Variants in ATRNL1 observed in about 807,000 individuals in gnomAD.
The protein encoded by ATRNL1 is attractin like 1, also known as attractin-like protein 1.
A neutral mutation model predicts 182.7 loss-of-function variants in ATRNL1; 95 were observed. That is an observed-to-expected ratio of 0.52 (90% CI 0.44 to 0.62). ATRNL1 has a LOEUF of 0.62. Among genes scored for constraint, ATRNL1 ranks in the 20% least tolerant of loss-of-function variants. The pLI is 0.00. For synonymous variants in ATRNL1, 576 were observed against 568.3 expected (o/e 1.01, Z -0.19); for missense variants, 1,471 against 1,679.5 (o/e 0.88, Z 2.17).
chr10:115,335,517 T>C (rs782206441), intron 19 of ATRNL1, among the ~76,000 whole-genome samples: 23 of 152,358 alleles, frequency 1.5e-4, no homozygotes, highest in Non-Finnish European at 3.4e-4. Context: ...GTGACTAATA[T>C]GCACTCAGAG....
Position 115,467,176 on chromosome 10 carries a change from G to A in ATRNL1, c.3420G>A (p.Ser1140=), listed in dbSNP as rs776297873. Residue 1140 remains serine (S), a splice_region_variant and synonymous_variant, in exon 23 of 29, where the codon TCG becomes TCA. Transcript: ENST00000355044. ...AINFIANPEQ[S]NKNLDISINA... is the part of the protein sequence containing the mutation. ...CTTAATATTTTCTTTTCTGGTAGTC[G>A]AACAAAAATCTGGATATATCAATTA... 22 of 1,597,406 alleles carry A rather than the reference G, an allele frequency of 1.4e-5. No homozygotes were observed. Among genetic ancestry groups the A allele is most frequent in the Non-Finnish European group, 1.4e-5 (16 of 1,169,684 alleles).
Position 115,246,583 on chromosome 10 carries a change from T to A in ATRNL1, c.1687+4858T>A, listed in dbSNP as rs1374545318. The stretch of plus-strand genomic sequence containing the variant: ...TTTTTTTTTTTTTTGAGACGGAGTC[T>A]CGCTCTGTCGCCCAGGTCGGACTGC... On this transcript the variant is annotated intron_variant, in intron 10 of 28. Transcript: ENST00000355044. Among the ~76,000 whole-genome samples the A allele has an allele frequency of 4.1e-5, 5 of 122,818 alleles. 1 individual carries two copies. Among genetic ancestry groups the A allele is most frequent in the Non-Finnish European group, 8.8e-5 (5 of 56,904 alleles). The allele number at this position is 122,818 out of a possible 152,430, so 80.6% of individuals were successfully genotyped here.
intron 26 of ATRNL1, among the ~76,000 whole-genome samples, chr10:115,706,679 G>A (rs1485357142): frequency 6.6e-6 from 1 of 151,802 alleles, no homozygotes; most frequent in Non-Finnish European, 1.5e-5. Flanking sequence ...CCACCAGATG[G>A]CAAACTTTGT....
At chr10:115,715,575 T>A (rs1223269814) in intron 26 of ATRNL1, among the ~76,000 whole-genome samples, 2 of 152,184 alleles carry the variant, frequency 1.3e-5, no homozygotes, top group Non-Finnish European at 2.9e-5. Flanking sequence ...GTTCAGGGGA[T>A]GGAATCGGGG....
At chr10:115,803,599 G>GTTTT (rs71999018) in intron 27 of ATRNL1, among the ~76,000 whole-genome samples, 14 of 146,984 alleles carry the variant, frequency 9.5e-5, no homozygotes, top group African/African-American at 3.5e-4. Flanking sequence ...GTTTTTTTGT[G>GTTTT]TTTTTTTTTT....
chr10:115,544,563 T>G (rs1342654871), intron 25 of ATRNL1, among the ~76,000 whole-genome samples: 6 of 152,120 alleles, frequency 3.9e-5, no homozygotes, highest in Non-Finnish European at 2.9e-5. Context: ...TGCCACACAT[T>G]TTTAAATGAC....
chr10:115,099,745 A>G (rs1554864129), intron 1 of ATRNL1, among the ~76,000 whole-genome samples: 1 of 152,124 alleles, frequency 6.6e-6, no homozygotes, highest in Non-Finnish European at 1.5e-5. Flanking sequence ...TGTAATAGGC[A>G]TTTATTCAAA....
Position 115,877,899 on chromosome 10 carries a change from G to A in ATRNL1, c.4018+29908G>A, listed in dbSNP as rs1339627580. Among the ~76,000 whole-genome samples the A allele has an allele frequency of 2.0e-5, 3 of 152,314 alleles. No homozygotes were observed. The East Asian group carries it at 5.8e-4, about 29-fold the overall frequency. On this transcript the variant is annotated intron_variant, in intron 28 of 28. Coordinates refer to ENST00000355044, the MANE Select transcript of ATRNL1 (RefSeq NM_207303.4). ...CCGTGCTAGGCACTAATGCCAAACG[G>A]CCCTGCACTAAATGGACACTTAGAG...
chr10:115,868,293 T>C (rs1951486365), intron 28 of ATRNL1, among the ~76,000 whole-genome samples: 1 of 152,190 alleles, frequency 6.6e-6, no homozygotes, highest in Non-Finnish European at 1.5e-5. Flanking sequence ...TCTTCATTTA[T>C]TCCCTAGCCC....
chr10:115,297,183 G>A (rs782138908), intron 15 of ATRNL1, among the ~76,000 whole-genome samples: 8 of 152,056 alleles, frequency 5.3e-5, no homozygotes, highest in Non-Finnish European at 8.8e-5. Context: ...AGATATATGA[G>A]GTAGCATGTA....
chr10:115,400,498 G>A (rs1465784567), intron 20 of ATRNL1, among the ~76,000 whole-genome samples: 1 of 152,012 alleles, frequency 6.6e-6, no homozygotes, highest in African/African-American at 2.4e-5. Flanking sequence ...GAATATCTTT[G>A]TTAATTTTCT....
chr10:115,414,556 C>G (rs1289963123), intron 20 of ATRNL1, among the ~76,000 whole-genome samples: 1 of 151,752 alleles, frequency 6.6e-6, no homozygotes, highest in Non-Finnish European at 1.5e-5. Flanking sequence ...CATTAATAAC[C>G]TGAAACTACT....
intron 8 of ATRNL1, among the ~76,000 whole-genome samples, chr10:115,182,810 C>A (rs1306690483): frequency 6.6e-6 from 1 of 151,314 alleles, no homozygotes; most frequent in Non-Finnish European, 1.5e-5. Context: ...CCAGCAACCA[C>A]CTATAGAAAA....
chr10:115,407,932 A>G (rs1844914004), intron 20 of ATRNL1, among the ~76,000 whole-genome samples: 1 of 150,356 alleles, frequency 6.7e-6, no homozygotes, highest in Non-Finnish European at 1.5e-5. Context: ...ATTTTAACAC[A>G]GCCATTTTAA....
Position 115,508,062 on chromosome 10 carries a change from A to G in ATRNL1, c.3655-11201A>G, listed in dbSNP as rs559985481. On this transcript the variant is annotated intron_variant, in intron 24 of 28. Transcript: ENST00000355044. The stretch of plus-strand genomic sequence containing the variant: ...GCAAGTCTGTTCGTGCAATTTTTCC[A>G]ATATCATGTACTCACTTTGTGTCTC... 2.0e-5 allele frequency among the ~76,000 whole-genome samples: 3 copies of G among 152,174 alleles called. No individual in the cohort carries two copies. The South Asian group carries it at 6.2e-4, about 32-fold the overall frequency.
chr10:115,388,204 C>T (rs1843771352), intron 19 of ATRNL1, among the ~76,000 whole-genome samples: 1 of 152,006 alleles, frequency 6.6e-6, no homozygotes, highest in African/African-American at 2.4e-5. Context: ...CTGTTTTGTA[C>T]TAAGAGTGGT....
At chr10:115,191,118 T>C (rs1848153853) in intron 8 of ATRNL1, among the ~76,000 whole-genome samples, 1 of 152,212 alleles carries the variant, frequency 6.6e-6, no homozygotes, top group Non-Finnish European at 1.5e-5. Flanking sequence ...CATTCATCTG[T>C]TGATGGACAC....
chr10:115,479,275 C>G (rs898466291), intron 24 of ATRNL1, among the ~76,000 whole-genome samples: 16 of 151,464 alleles, frequency 1.1e-4, no homozygotes, highest in Non-Finnish European at 2.1e-4. Context: ...GTACCATAGT[C>G]TTATATCTAT....
intron 28 of ATRNL1, among the ~76,000 whole-genome samples, chr10:115,912,383 T>C (rs574073774): frequency 6.7e-6 from 1 of 149,176 alleles, no homozygotes; most frequent in East Asian, 2.0e-4. Context: ...TCTTCACCTG[T>C]CAAATTAGTG....
Sources: gnomAD v4.1 joint callset for allele counts (sites outside exome capture counted in the v4.1 genomes callset) on GRCh38, gnomAD v4.1.1 for gene constraint, MANE v1.5 for transcripts, NCBI Gene and HGNC (gene_info 2026-07-23, HGNC 2026-07-21) for gene names.